SEMA3G: variants seen among roughly 807,000 people sequenced by gnomAD.
SEMA3G encodes the protein semaphorin 3G, also known as semaphorin-3G.
Under a neutral mutation model 86.2 loss-of-function variants are expected in SEMA3G, and 70 were observed. The observed-to-expected ratio is 0.81, with a 90% CI of 0.67 to 0.99. The LOEUF is 0.99. Among genes scored for constraint, SEMA3G ranks in the 50% least tolerant of loss-of-function variants. SEMA3G has a pLI of 0.00. For missense variants in SEMA3G, 1,002 were observed against 1,072.4 expected (o/e 0.93, Z 0.92); for synonymous variants, 416 against 441.4 (o/e 0.94, Z 0.72).
chr3:52,440,882 C>A, intron 8 of SEMA3G, 52 bp downstream of exon 8: 1 of 1,598,750 alleles, frequency 6.3e-7, no homozygotes, highest in Non-Finnish European at 8.5e-7. Context: ...GACTCACCAG[C>A]TCTCAGCCCT....
At chr3:52,436,654 C>A (rs965333679) in intron 15 of SEMA3G, among the ~76,000 whole-genome samples, 1 of 152,262 alleles carries the variant, frequency 6.6e-6, no homozygotes, top group African/African-American at 2.4e-5. Flanking sequence ...GGGCTGATCG[C>A]CCATCACAGC....
intron 1 of SEMA3G, chr3:52,443,125 G>A: frequency 7.9e-7 from 1 of 1,260,276 alleles, no homozygotes; most frequent in Non-Finnish European, 1.1e-6. Context: ...AGCCTACCCT[G>A]GGGCCTACCT....
At chr3:52,440,630 G>A in intron 9 of SEMA3G, 109 bp from the exon 10 acceptor site, 1 of 1,469,032 alleles carries the variant, frequency 6.8e-7, no homozygotes, top group East Asian at 2.3e-5. Context: ...AGCAAGCAGA[G>A]ACTCCGAAAA....
At position 52,441,836 on chromosome 3, in the gene SEMA3G, A is replaced by G. The variant is rs1706163739; in HGVS notation, c.533T>C (p.Phe178Ser). The G allele has an allele frequency of 6.2e-7, 1 of 1,605,874 alleles. No individual in the cohort carries two copies. The highest frequency in any genetic ancestry group is 2.2e-5 in the East Asian group (1 of 44,670). Reference sequence around the variant, plus strand: ...TCACCCACCTATGAAGGTGCTGGCAAAGGGACGGCTGGGCTCGTGAGGGCA... The same window carrying G: ...TCACCCACCTATGAAGGTGCTGGCAGAGGGACGGCTGGGCTCGTGAGGGCA... ...GRCPHEPSRP[F>S]ASTFIDGELY... is the part of the protein sequence containing the mutation. Residue 178 changes from phenylalanine (F) to serine (S), a missense_variant, in exon 5 of 16, where the codon TTT becomes TCT. Physicochemically the swap from Phe to Ser is radical, Grantham distance 155. Coordinates refer to ENST00000231721, the MANE Select transcript of SEMA3G (RefSeq NM_020163.3).
intron 13 of SEMA3G, 180 bp downstream of exon 13, chr3:52,438,739 AC>A (rs1706093395): frequency 1.0e-6 from 1 of 985,314 alleles, no homozygotes; most frequent in Non-Finnish European, 1.2e-6. Context: ...ACATGGCCCC[AC>A]TTACTCGGTG....
At position 52,435,985 on chromosome 3, in the gene SEMA3G, G is replaced by A. The variant is rs1706041814; in HGVS notation, c.1967C>T (p.Thr656Ile). Reference protein sequence around the residue: ...SRFDAGTYTCTTLEHGFSQTV... With the variant: ...SRFDAGTYTCITLEHGFSQTV... ...CTGGGAGAAGCCATGCTCCAGAGTG[G>A]TGCAGGTGTAGGTGCCCGCATCGAA... Residue 656 changes from threonine (T) to isoleucine (I), a missense_variant, in exon 16 of 16, where the codon ACC becomes ATC. Thr to Ile is a moderately conservative substitution (Grantham distance 89). Coordinates refer to ENST00000231721, the MANE Select transcript of SEMA3G (RefSeq NM_020163.3). 1.2e-6 allele frequency: 2 copies of A among 1,613,842 alleles called. No individual in the cohort carries two copies. The highest frequency in any genetic ancestry group is 1.1e-5 in the South Asian group (1 of 91,094).
intron 1 of SEMA3G, among the ~76,000 whole-genome samples, chr3:52,444,589 C>A (rs570013104): frequency 1.1e-3 from 160 of 150,424 alleles, no homozygotes; most frequent in Admixed American, 0.011. Context: ...TGCACACGCA[C>A]CCAAACAGGG....
chr3:52,436,702 T>G (rs1706055116), intron 15 of SEMA3G, among the ~76,000 whole-genome samples: 1 of 152,242 alleles, frequency 6.6e-6, no homozygotes, highest in African/African-American at 2.4e-5. Context: ...CCAGCCCGCC[T>G]CTGGCCTGGA....
chr3:52,441,063 G>A lies in SEMA3G; in HGVS notation c.814-15C>T. On this transcript the variant is annotated splice_polypyrimidine_tract_variant and intron_variant, in intron 7 of 15. Coordinates refer to ENST00000231721, the MANE Select transcript of SEMA3G (RefSeq NM_020163.3). Reference sequence around the variant, plus strand: ...CCAGCATCATTCTGCAGGATAAGGGGCCAGAGTCACGCTTGGGCCCCACGA... The same window carrying A: ...CCAGCATCATTCTGCAGGATAAGGGACCAGAGTCACGCTTGGGCCCCACGA... The A allele has an allele frequency of 1.3e-6, 2 of 1,578,098 alleles. No homozygotes were observed. Among genetic ancestry groups the A allele is most frequent in the Non-Finnish European group, 1.7e-6 (2 of 1,166,548 alleles).
intron 1 of SEMA3G, among the ~76,000 whole-genome samples, chr3:52,444,643 GCA>G (rs1706226842): frequency 8.4e-6 from 1 of 119,454 alleles, no homozygotes; most frequent in African/African-American, 3.3e-5. Context: ...CAGGGCACAC[GCA>G]CACAAACAGG....
chr3:52,438,312 G>T, intron 13 of SEMA3G, 113 bp from the exon 14 acceptor site: 1 of 1,409,678 alleles, frequency 7.1e-7, no homozygotes. Flanking sequence ...AAGTCTTCCA[G>T]AACCTCTTGG....
intron 13 of SEMA3G, chr3:52,438,637 G>T (rs1328992700): frequency 1.0e-6 from 1 of 985,376 alleles, no homozygotes; most frequent in Non-Finnish European, 1.2e-6. Context: ...TCTAAAAAGT[G>T]GCCTTGTTGG....
chr3:52,437,442 C>A, intron 15 of SEMA3G, 85 bp downstream of exon 15: 1 of 1,409,036 alleles, frequency 7.1e-7, no homozygotes, highest in Non-Finnish European at 9.6e-7. Flanking sequence ...CCCAGAACCC[C>A]TTTCTGGGGC....
In SEMA3G at chr3:52,442,715, A is replaced by G. The variant is rs768975314; in HGVS notation, c.276+32T>C. ...CCCATCTGGAGGTGCCCAGTTCTCA[A>G]ACAGACCCTCTTCCCTGCCAGTCCA... On this transcript the variant is annotated intron_variant, in intron 2 of 15. Transcript: ENST00000231721. This position sits in a 1 kb window ranked among gnomAD's most constrained non-coding sequence, Gnocchi z 6.1. 14 of 1,613,580 alleles carry G rather than the reference A, an allele frequency of 8.7e-6. No individual in the cohort carries two copies. The highest frequency in any genetic ancestry group is 1.1e-5 in the Non-Finnish European group (13 of 1,179,712).
chr3:52,445,075 C>G lies in SEMA3G; in HGVS notation c.-48G>C. On this transcript the variant is annotated 5_prime_UTR_variant, in exon 1 of 16. Transcript: ENST00000231721. ...TGCCGCCTGCCTGCAGAGCCGCCCT[C>G]TGGTCCCGCTGGCCGCCGGTTGTAG... 1.6e-6 allele frequency: 2 copies of G among 1,253,326 alleles called. No homozygotes were observed. The highest frequency in any genetic ancestry group is 1.0e-6 in the Non-Finnish European group (1 of 994,660). 77.6% of individuals were successfully genotyped at this position (1,253,326 alleles called of 1,614,324 possible). A position where few individuals can be genotyped will look rare whatever the true frequency, so the allele number is the denominator to read the frequency against.
Position 52,442,377 on chromosome 3 carries a change from G to T in SEMA3G, c.340-73C>A. 2 of 1,062,750 alleles carry T rather than the reference G, an allele frequency of 1.9e-6. No homozygotes were observed. The highest frequency in any genetic ancestry group is 2.6e-6 in the Non-Finnish European group (2 of 757,810). The allele number at this position is 1,062,750 out of a possible 1,614,324, so 65.8% of individuals were successfully genotyped here. A position where few individuals can be genotyped will look rare whatever the true frequency, so the allele number is the denominator to read the frequency against. On this transcript the variant is annotated intron_variant, in intron 3 of 15. Coordinates refer to ENST00000231721, the MANE Select transcript of SEMA3G (RefSeq NM_020163.3). The surrounding 1 kb of genome is among the most constrained non-coding windows in gnomAD (Gnocchi z 6.1). Reference sequence around the variant, plus strand: ...CCATCTCCTTGGGGCCCAAGGCTCAGCCCTGTCTGGCGGTCAGCTCTGGGG... The same window carrying T: ...CCATCTCCTTGGGGCCCAAGGCTCATCCCTGTCTGGCGGTCAGCTCTGGGG...
intron 14 of SEMA3G, 123 bp from the exon 15 acceptor site, chr3:52,437,789 C>T: frequency 8.1e-7 from 1 of 1,235,842 alleles, no homozygotes; most frequent in Non-Finnish European, 1.1e-6. Flanking sequence ...GCGTGGATCC[C>T]CAAGCCAGCC....
At position 52,439,218 on chromosome 3, in the gene SEMA3G, C is replaced by G. The variant is rs535958529; in HGVS notation, c.1468-257G>C. On this transcript the variant is annotated intron_variant, in intron 12 of 15. Transcript: ENST00000231721. Reference sequence around the variant, plus strand: ...GAGTGTCCCCTCTCTCAGCCTGTTCCCCAGCAATGAGGCAGCTGTCCCAAA... The same window carrying G: ...GAGTGTCCCCTCTCTCAGCCTGTTCGCCAGCAATGAGGCAGCTGTCCCAAA... Among the ~76,000 whole-genome samples, 288 of 152,258 alleles carry G rather than the reference C, an allele frequency of 1.9e-3. 2 individuals are homozygous for G. The highest frequency in any genetic ancestry group is 1.6e-3 in the Admixed American group (25 of 15,312).
rs1706067775 is a variant in SEMA3G, at chr3:52,437,511, GGGTCTCC to G, written c.1878+9_1878+15del. On this transcript the variant is annotated intron_variant, in intron 15 of 15. Coordinates refer to ENST00000231721, the MANE Select transcript of SEMA3G (RefSeq NM_020163.3). ...CAGGACACACAGAGGCTAGAGGCAG[GGGTCTCC>G]TCACTCACCTGGTCAGGCCCCTCAT... 1 of 1,606,474 alleles carries G rather than the reference GGGTCTCC, an allele frequency of 6.2e-7. No homozygotes were observed. The highest frequency in any genetic ancestry group is 8.5e-7 in the Non-Finnish European group (1 of 1,175,580).
Sources: allele counts gnomAD v4.1 joint callset (sites outside exome capture counted in the v4.1 genomes callset), GRCh38; gene constraint gnomAD v4.1.1; non-coding constraint Gnocchi (gnomAD v3.1); transcripts MANE v1.5; gene names NCBI Gene and HGNC (gene_info 2026-07-23, HGNC 2026-07-21).